The following RNLS variants were observed in gnomAD, a reference collection of about 807,000 sequenced individuals.
The protein encoded by RNLS is renalase, FAD dependent amine oxidase, also known as renalase.
Under a neutral mutation model 39.8 loss-of-function variants are expected in RNLS, and 39 were observed. The ratio of observed to expected loss-of-function variants is 0.98; its 90% CI spans 0.76 to 1.28. RNLS has a LOEUF of 1.28. Ranked by LOEUF, RNLS falls within the 50% of genes most tolerant of loss-of-function variation. The pLI is 0.00. For synonymous variants in RNLS, 147 were observed against 150.7 expected (o/e 0.98, Z 0.18); for missense variants, 410 against 413.3 (o/e 0.99, Z 0.07).
At chr10:88,363,253 C>T (rs913143681) in intron 4 of RNLS, among the ~76,000 whole-genome samples, 1 of 150,528 alleles carries the variant, frequency 6.6e-6, no homozygotes, top group African/African-American at 2.5e-5. Flanking sequence ...GGGATGGGGG[C>T]ATTGGGGAGG....
chr10:88,509,586 T>A (rs1051851476), intron 4 of RNLS, among the ~76,000 whole-genome samples: 2 of 152,054 alleles, frequency 1.3e-5, no homozygotes, highest in African/African-American at 4.8e-5. Context: ...ATTGCCTTTT[T>A]AAAAATGCCA....
chr10:88,293,160 A>T (rs1299268794), intron 6 of RNLS, among the ~76,000 whole-genome samples: 1 of 152,186 alleles, frequency 6.6e-6, no homozygotes, highest in Non-Finnish European at 1.5e-5. Context: ...TACTGGTTGC[A>T]CACTAACTTG....
Position 88,583,303 on chromosome 10 carries a change from G to A in RNLS, c.-113C>T. 1.1e-5 allele frequency: 16 copies of A among 1,477,728 alleles called. No individual in the cohort carries two copies. The highest frequency in any genetic ancestry group is 1.3e-5 in the Non-Finnish European group (15 of 1,121,878). 91.5% of individuals were successfully genotyped at this position (1,477,728 alleles called of 1,614,324 possible). On this transcript the variant is annotated 5_prime_UTR_variant, in exon 1 of 7. Transcript: ENST00000331772. ...GCGCTCTTTGGTTCCGTGCTCCCTG[G>A]GCCGACCTGGGCCCTGAGCTTTCCT... is the stretch of plus-strand genomic sequence containing the variant.
At chr10:88,271,734 A>G (rs75448598), downstream of RNLS, among the ~76,000 whole-genome samples, 3,284 of 152,274 alleles carry the variant, frequency 0.022, 133 homozygotes, top group African/African-American at 0.075. Flanking sequence ...TATGGGTTGC[A>G]TATGGTTTTG....
intron 4 of RNLS, among the ~76,000 whole-genome samples, chr10:88,539,101 G>A (rs1847918101): frequency 6.6e-6 from 1 of 152,074 alleles, no homozygotes; most frequent in South Asian, 2.1e-4. Context: ...GATGGACAAT[G>A]GATAAATTAA....
intron 3 of RNLS, among the ~76,000 whole-genome samples, chr10:88,578,264 T>C (rs1850326308): frequency 1.3e-5 from 2 of 151,546 alleles, no homozygotes; most frequent in Admixed American, 1.3e-4. Context: ...ATTACGCTCA[T>C]TTTTTTCAAT....
At chr10:88,354,340 G>C (rs1848973829) in intron 5 of RNLS, among the ~76,000 whole-genome samples, 1 of 152,144 alleles carries the variant, frequency 6.6e-6, no homozygotes, top group Non-Finnish European at 1.5e-5. Flanking sequence ...GCATGTTTTT[G>C]CAGTGGCTGG....
chr10:88,374,666 A>C (rs775022952), intron 4 of RNLS, among the ~76,000 whole-genome samples: 2 of 151,960 alleles, frequency 1.3e-5, no homozygotes, highest in Non-Finnish European at 2.9e-5. Context: ...TTCTCCCCAC[A>C]CTTGTGAGTG....
the RNLS span, among the ~76,000 whole-genome samples, chr10:88,200,893 C>A: frequency 1.1e-4 from 16 of 152,146 alleles, no homozygotes; most frequent in Admixed American, 1.0e-3. Flanking sequence ...GTAGATAGAG[C>A]TACTGGCTAC....
chr10:88,400,265 A>G (rs1852830509), intron 4 of RNLS, among the ~76,000 whole-genome samples: 1 of 151,994 alleles, frequency 6.6e-6, no homozygotes, highest in African/African-American at 2.4e-5. Flanking sequence ...GAAAATTACC[A>G]ATCTACAAGA....
At chr10:88,475,556 C>A (rs1331130682) in intron 4 of RNLS, among the ~76,000 whole-genome samples, 1 of 152,122 alleles carries the variant, frequency 6.6e-6, no homozygotes, top group Non-Finnish European at 1.5e-5. Context: ...CTTTTCTTTT[C>A]GGATTCATTC....
chr10:88,342,740 A>ACAGTCTAGG (rs2133230447), intron 5 of RNLS, among the ~76,000 whole-genome samples: 1 of 152,322 alleles, frequency 6.6e-6, no homozygotes, highest in South Asian at 2.1e-4. Context: ...TTAAACTGAG[A>ACAGTCTAGG]CAGTCTAGGT....
At chr10:88,401,988 C>T (rs792231) in intron 4 of RNLS, among the ~76,000 whole-genome samples, 1 of 151,774 alleles carries the variant, frequency 6.6e-6, no homozygotes, top group Non-Finnish European at 1.5e-5. Flanking sequence ...TATGGAGAAA[C>T]TCCTGGGAAG....
At chr10:88,328,410 A>G (rs1846804366) in intron 5 of RNLS, among the ~76,000 whole-genome samples, 1 of 152,212 alleles carries the variant, frequency 6.6e-6, no homozygotes, top group African/African-American at 2.4e-5. Flanking sequence ...TGATGTTTGA[A>G]TATTTTAACA....
rs549851075 is a variant in RNLS, at chr10:88,468,542, T to C, written c.526+104361A>G. ...CTGATAGGAACCACAGTTTTGGTCT[T>C]TCTGAGTGTAGAGCTCTTGTAACTG... On this transcript the variant is annotated intron_variant, in intron 4 of 6. Transcript: ENST00000331772. Among the ~76,000 whole-genome samples the C allele has an allele frequency of 6.6e-4, 101 of 152,302 alleles. 1 individual carries two copies. The South Asian group carries it at 7.0e-3, about 11-fold the overall frequency.
the RNLS span, among the ~76,000 whole-genome samples, chr10:88,246,128 G>A: frequency 1.4e-4 from 21 of 152,114 alleles, no homozygotes; most frequent in Admixed American, 3.3e-4. Context: ...TGGATATTCC[G>A]GGACTTCAGG....
At position 88,391,594 on chromosome 10, in the gene RNLS, T is replaced by C. The variant is rs148365512; in HGVS notation, c.527-28869A>G. 3.9e-4 allele frequency among the ~76,000 whole-genome samples: 60 copies of C among 152,284 alleles called. No homozygotes were observed. The East Asian group carries it at 8.5e-3, about 22-fold the overall frequency. ...ATGTCTTGGTAGGTTATGTTATCCA[T>C]GAATTTCATTTTAGAATAGTTAGAG... On this transcript the variant is annotated intron_variant, in intron 4 of 6. Coordinates refer to ENST00000331772, the MANE Select transcript of RNLS (RefSeq NM_001031709.3).
intron 4 of RNLS, among the ~76,000 whole-genome samples, chr10:88,421,039 A>T (rs1354225440): frequency 6.6e-6 from 1 of 152,168 alleles, no homozygotes; most frequent in Non-Finnish European, 1.5e-5. Flanking sequence ...GGAACGTCCC[A>T]CCCCTGTTTC....
chr10:88,236,514 G>A, the RNLS span, among the ~76,000 whole-genome samples: 1 of 152,182 alleles, frequency 6.6e-6, no homozygotes. Flanking sequence ...ATATAATGAG[G>A]AGGGTGGTAC....
Sources: gnomAD v4.1 joint callset for allele counts (sites outside exome capture counted in the v4.1 genomes callset) on GRCh38, gnomAD v4.1.1 for gene constraint, MANE v1.5 for transcripts, NCBI Gene and HGNC (gene_info 2026-07-23, HGNC 2026-07-21) for gene names.